Variants in ZNF536 observed in about 807,000 individuals in gnomAD.
The protein encoded by ZNF536 is zinc finger protein 536.
A neutral mutation model predicts 84.5 loss-of-function variants in ZNF536; 13 were observed. The ratio of observed to expected loss-of-function variants is 0.15; its 90% CI spans 0.10 to 0.24. The LOEUF is 0.24. Ranked by LOEUF, ZNF536 falls within the 10% of genes least tolerant of loss-of-function variation. ZNF536 has a pLI of 1.00. For missense variants in ZNF536, 1,536 were observed against 1,747.5 expected, an observed-to-expected ratio of 0.88 and a Z score of 2.16; for synonymous variants, 811 against 742.5, an observed-to-expected ratio of 1.09 and a Z score of -1.50.
chr19:30,234,420 T>TTTTTA (rs2023314404), intron 1 of ZNF536, among the ~76,000 whole-genome samples: 2 of 130,378 alleles, frequency 1.5e-5, no homozygotes, highest in Non-Finnish European at 1.6e-5. Context: ...TTTTTTTTTT[T>TTTTTA]GAGACAGAGT....
chr19:30,533,104 T>A (rs1414528553), intron 2 of ZNF536, among the ~76,000 whole-genome samples: 1 of 152,114 alleles, frequency 6.6e-6, no homozygotes, highest in Non-Finnish European at 1.5e-5. Context: ...AGGATTAAAG[T>A]GAGATTTCAA....
intron 1 of ZNF536, among the ~76,000 whole-genome samples, chr19:30,423,274 C>T (rs1256015848): frequency 2.0e-5 from 3 of 152,008 alleles, no homozygotes; most frequent in Non-Finnish European, 4.4e-5. Context: ...CATCCATCTA[C>T]CACCCATCTA....
chr19:30,479,573 G>A (rs1210719153), intron 2 of ZNF536, among the ~76,000 whole-genome samples: 1 of 152,202 alleles, frequency 6.6e-6, no homozygotes, highest in Non-Finnish European at 1.5e-5. Context: ...TTGGCCTGGT[G>A]GGTCAGGGTG....
At chr19:30,283,584 G>T (rs971135122) in intron 1 of ZNF536, among the ~76,000 whole-genome samples, 92 of 152,288 alleles carry the variant, frequency 6.0e-4, no homozygotes, top group African/African-American at 2.0e-3. Context: ...GTATCCACTG[G>T]CTACCAAACA....
intron 1 of ZNF536, among the ~76,000 whole-genome samples, chr19:30,591,186 A>G (rs1205837945): frequency 6.6e-6 from 1 of 152,206 alleles, no homozygotes; most frequent in African/African-American, 2.4e-5. Flanking sequence ...CTTATATAGC[A>G]ATGGTTATGT....
Position 30,384,150 on chromosome 19 carries a change from TTC to T in ZNF536, c.-3+11596_-3+11597del, listed in dbSNP as rs1268632927. Among the ~76,000 whole-genome samples the T allele has an allele frequency of 4.8e-4, 43 of 88,806 alleles. No individual in the cohort carries two copies. In the South Asian group the frequency reaches 0.02, roughly 41 times the overall value. 58.3% of individuals were successfully genotyped at this position (88,806 alleles called of 152,430 possible). A position where few individuals can be genotyped will look rare whatever the true frequency, so the allele number is the denominator to read the frequency against. ...TTTCTTTCTTTCTTTCTTTCTTTCT[TTC>T]TTTCTTTCTTTCGTTTCCTTCTTTC... On this transcript the variant is annotated intron_variant, in intron 1 of 4. Transcript: ENST00000355537.
At chr19:30,647,465 G>A (rs529751493) in intron 1 of ZNF536, among the ~76,000 whole-genome samples, 7 of 152,290 alleles carry the variant, frequency 4.6e-5, no homozygotes, top group Admixed American at 6.5e-5. Context: ...TCAGTCCTTA[G>A]ACACTCTAAT....
chr19:30,644,610 T>C (rs2049395988), intron 1 of ZNF536, among the ~76,000 whole-genome samples: 2 of 152,126 alleles, frequency 1.3e-5, no homozygotes, highest in Non-Finnish European at 2.9e-5. Context: ...AGTGAGAACA[T>C]GCGGTGTTTG....
chr19:30,513,739 C>T (rs2055516191), intron 2 of ZNF536, among the ~76,000 whole-genome samples: 1 of 152,108 alleles, frequency 6.6e-6, no homozygotes, highest in African/African-American at 2.4e-5. Context: ...TCCAGAAACA[C>T]AGCTCCCGGT....
intron 4 of ZNF536, among the ~76,000 whole-genome samples, chr19:30,552,304 A>T (rs555246274): frequency 8.5e-4 from 130 of 152,218 alleles, no homozygotes; most frequent in Non-Finnish European, 1.5e-3. Context: ...TAGATTTCTC[A>T]TCTCAGATGG....
At chr19:30,375,773 G>A (rs2048794331) in intron 1 of ZNF536, among the ~76,000 whole-genome samples, 1 of 152,246 alleles carries the variant, frequency 6.6e-6, no homozygotes, top group Non-Finnish European at 1.5e-5. Context: ...CACCTCGTGT[G>A]CCTGTGTGTC....
chr19:30,275,949 G>A (rs1277655395), intron 1 of ZNF536, among the ~76,000 whole-genome samples: 2 of 151,954 alleles, frequency 1.3e-5, no homozygotes, highest in South Asian at 2.1e-4. Flanking sequence ...CTGAATCACC[G>A]GCAAGAGTAT....
chr19:30,481,703 G>A (rs2054094960), intron 2 of ZNF536, among the ~76,000 whole-genome samples: 1 of 152,018 alleles, frequency 6.6e-6, no homozygotes, highest in Non-Finnish European at 1.5e-5. Context: ...AGTTTTTGGG[G>A]AACGGGTGGC....
Position 30,614,942 on chromosome 19 carries a change from A to ATTTTTTTTTTTTTTTTTTT in ZNF536, c.169+65432_169+65450dup. 1.6e-3 allele frequency among the ~76,000 whole-genome samples: 51 copies of ATTTTTTTTTTTTTTTTTTT among 32,302 alleles called. 8 individuals are homozygous for ATTTTTTTTTTTTTTTTTTT. The highest frequency in any genetic ancestry group is 3.0e-3 in the East Asian group (1 of 334). The allele number at this position is 32,302 out of a possible 152,430, so 21.2% of individuals were successfully genotyped here. A position where few individuals can be genotyped will look rare whatever the true frequency, so the allele number is the denominator to read the frequency against. Reference sequence around the variant, plus strand: ...TTTTCTTTTATTCTCCCCCTTTTCAATTTTTTTTTTTTTTTTTTTTTTGAG... The same window carrying ATTTTTTTTTTTTTTTTTTT: ...TTTTCTTTTATTCTCCCCCTTTTCAATTTTTTTTTTTTTTTTTTTTTTTTTTTTTTTTTTTTTTTTTGAG... On this transcript the variant is annotated intron_variant, in intron 1 of 1. Coordinates refer to the ZNF536 transcript ENST00000592773.
At chr19:30,505,180 C>A (rs2055116277) in intron 2 of ZNF536, among the ~76,000 whole-genome samples, 1 of 149,522 alleles carries the variant, frequency 6.7e-6, no homozygotes, top group African/African-American at 2.5e-5. Context: ...TCAGCAATTC[C>A]CTTTTTATGA....
At chr19:30,679,797 G>C (rs1308144447) in intron 1 of ZNF536, among the ~76,000 whole-genome samples, 1 of 152,200 alleles carries the variant, frequency 6.6e-6, no homozygotes, top group Non-Finnish European at 1.5e-5. Flanking sequence ...CCTGTTTCTG[G>C]CTTCTCTGGA....
chr19:30,709,562 G>C (rs1300578841), intron 1 of ZNF536, among the ~76,000 whole-genome samples: 1 of 152,236 alleles, frequency 6.6e-6, no homozygotes, highest in Admixed American at 6.5e-5. Flanking sequence ...TCTTTGTGCA[G>C]AATTGGGGTC....
downstream of ZNF536, among the ~76,000 whole-genome samples, chr19:30,558,411 T>A (rs1599799953): frequency 6.6e-6 from 1 of 151,736 alleles, no homozygotes; most frequent in Non-Finnish European, 1.5e-5. Context: ...GGGTGGAGGG[T>A]ACTTGGGCAC....
intron 1 of ZNF536, among the ~76,000 whole-genome samples, chr19:30,621,288 C>T (rs1373370088): frequency 6.6e-6 from 1 of 152,020 alleles, no homozygotes; most frequent in Admixed American, 6.6e-5. Context: ...AGGTGTCTCT[C>T]ATAGATCATT....
Sources: gnomAD v4.1 joint callset for allele counts (sites outside exome capture counted in the v4.1 genomes callset) on GRCh38, gnomAD v4.1.1 for gene constraint, MANE v1.5 for transcripts, NCBI Gene and HGNC (gene_info 2026-07-23, HGNC 2026-07-21) for gene names.